The following RASA3 variants were observed in gnomAD, a reference collection of about 807,000 sequenced individuals.
RASA3 encodes the protein ras GTPase-activating protein 3.
In RASA3, 73 loss-of-function variants were observed where a neutral mutation model predicts 110.0. The observed-to-expected ratio is 0.66, with a 90% CI of 0.55 to 0.81. RASA3 has a LOEUF of 0.81. RASA3 is among the 30% of genes least tolerant of loss of function. The probability of loss-of-function intolerance (pLI) is 0.00; values close to 1 mark genes in which losing one functional copy is unlikely to be tolerated. For synonymous variants in RASA3, 500 were observed against 451.4 expected (o/e 1.11, Z -1.37); for missense variants, 976 against 1,113.2 (o/e 0.88, Z 1.75).
chr13:114,077,536 C>T (rs1335889225), intron 1 of RASA3, among the ~76,000 whole-genome samples: 1 of 150,118 alleles, frequency 6.7e-6, no homozygotes, highest in Non-Finnish European at 1.5e-5. Context: ...TTCATCCCTC[C>T]CTCCCTGCCC....
At position 114,048,145 on chromosome 13, in the gene RASA3, C is replaced by T. The variant is rs2079083310; in HGVS notation, c.277+3907G>A. On this transcript the variant is annotated intron_variant, in intron 3 of 23. Transcript: ENST00000334062. The surrounding 1 kb of genome is among the most constrained non-coding windows in gnomAD (Gnocchi z 4.3). ...CTTGGCTAACACGGTGAAACCCCGT[C>T]TCTACTGAAAATACAAAAAATTAGC... Among the ~76,000 whole-genome samples the T allele has an allele frequency of 6.6e-6, 1 of 152,108 alleles. No individual in the cohort carries two copies. Among genetic ancestry groups the T allele is most frequent in the African/African-American group, 2.4e-5 (1 of 41,434 alleles).
intron 3 of RASA3, among the ~76,000 whole-genome samples, chr13:114,050,630 A>G (rs1345867963): frequency 6.6e-6 from 1 of 152,246 alleles, no homozygotes; most frequent in Non-Finnish European, 1.5e-5. Context: ...AATGCCAGGC[A>G]GAGAGCAAGA....
intron 2 of RASA3, among the ~76,000 whole-genome samples, chr13:114,055,206 C>T (rs1046605371): frequency 3.9e-5 from 6 of 152,286 alleles, no homozygotes; most frequent in African/African-American, 1.4e-4. Flanking sequence ...TGTGCCCATA[C>T]ATGTGTGCTC....
At chr13:113,999,702 C>A in intron 19 of RASA3, 35 bp from the exon 20 acceptor site, 2 of 1,584,844 alleles carry the variant, frequency 1.3e-6, no homozygotes, top group Non-Finnish European at 1.7e-6. Flanking sequence ...GGGTGCGGGC[C>A]CCGCTGTCCC....
intron 1 of RASA3, among the ~76,000 whole-genome samples, chr13:114,087,213 TCGCGGGGAAA>T (rs1232546050): frequency 2.6e-5 from 2 of 75,792 alleles, no homozygotes; most frequent in Non-Finnish European, 7.9e-5. Flanking sequence ...CCCTTCGTCC[TCGCGGGGAAA>T]TCACGGGGAA....
intron 1 of RASA3, among the ~76,000 whole-genome samples, chr13:114,089,259 A>G (rs1184775124): frequency 9.9e-6 from 1 of 101,174 alleles, no homozygotes; most frequent in African/African-American, 3.8e-5. Flanking sequence ...AGGAGAGAGG[A>G]GGGGAGACGA....
intron 1 of RASA3, among the ~76,000 whole-genome samples, chr13:114,090,754 T>C (rs992301404): frequency 1.3e-5 from 2 of 152,186 alleles, no homozygotes; most frequent in Non-Finnish European, 2.9e-5. Context: ...TTCCTCTAAA[T>C]TCACAGGGCT....
intron 2 of RASA3, among the ~76,000 whole-genome samples, chr13:114,062,082 T>C (rs1356932693): frequency 6.6e-6 from 1 of 152,196 alleles, no homozygotes; most frequent in Non-Finnish European, 1.5e-5. Flanking sequence ...CCCTTTCCAC[T>C]GTGCCTAACC....
At chr13:114,033,133 C>T (rs1317346056) in intron 4 of RASA3, among the ~76,000 whole-genome samples, 1 of 91,890 alleles carries the variant, frequency 1.1e-5, no homozygotes, top group African/African-American at 4.7e-5. Flanking sequence ...ACGGAACCCC[C>T]GCACTGACAC....
intron 4 of RASA3, among the ~76,000 whole-genome samples, chr13:114,033,025 CCA>C (rs1296048075): frequency 1.2e-5 from 1 of 86,088 alleles, no homozygotes; most frequent in Non-Finnish European, 2.4e-5. Flanking sequence ...ACACTTGATA[CCA>C]CGTTCCACGG....
intron 3 of RASA3, among the ~76,000 whole-genome samples, chr13:114,050,570 G>GTGGGGCCGGGC (rs1270921014): frequency 6.6e-6 from 1 of 152,230 alleles, no homozygotes; most frequent in Non-Finnish European, 1.5e-5. Flanking sequence ...TCAATGCCAG[G>GTGGGGCCGGGC]TGAGGCCCTG....
In RASA3 at chr13:114,042,070, T is replaced by G. The variant is rs1216912181; in HGVS notation, c.278-976A>C. On this transcript the variant is annotated intron_variant, in intron 3 of 23. Transcript: ENST00000334062. ...TCAGAATATATTTGTACAATATACG[T>G]TTACCTAGTATGGATTTATATGTGT... Among the ~76,000 whole-genome samples, 5 of 152,346 alleles carry G rather than the reference T, an allele frequency of 3.3e-5. No homozygotes were observed. The South Asian group carries it at 8.3e-4, about 25-fold the overall frequency.
chr13:114,091,870 G>C (rs9525256), intron 1 of RASA3, among the ~76,000 whole-genome samples: 12,921 of 152,004 alleles, frequency 0.085, 881 homozygotes, highest in East Asian at 0.19. Context: ...TTCTACGTCT[G>C]TTCAGGTTCT....
At chr13:114,113,602 A>G (rs1359302266) in intron 1 of RASA3, among the ~76,000 whole-genome samples, 1 of 151,258 alleles carries the variant, frequency 6.6e-6, no homozygotes, top group East Asian at 1.9e-4. Flanking sequence ...CACCGCATCC[A>G]TCAATCCACC....
intron 8 of RASA3, among the ~76,000 whole-genome samples, chr13:114,022,276 C>T (rs1344831138): frequency 6.6e-6 from 1 of 152,226 alleles, no homozygotes; most frequent in African/African-American, 2.4e-5. Context: ...TACGTGTCCC[C>T]TCAGACCTGG....
chr13:114,025,634 C>G (rs916150853), intron 7 of RASA3, among the ~76,000 whole-genome samples: 3 of 152,266 alleles, frequency 2.0e-5, no homozygotes. Context: ...ATCACCAGCA[C>G]GGTGCTGGCA....
intron 4 of RASA3, among the ~76,000 whole-genome samples, chr13:114,040,066 G>A (rs918411469): frequency 6.6e-6 from 1 of 152,258 alleles, no homozygotes; most frequent in Non-Finnish European, 1.5e-5. Context: ...TTTCTCTTGG[G>A]CCTCAATGAC....
At chr13:114,073,138 A>T (rs2079602433) in intron 2 of RASA3, among the ~76,000 whole-genome samples, 1 of 151,294 alleles carries the variant, frequency 6.6e-6, no homozygotes. Context: ...TGGGACGGTG[A>T]TGTACATGCT....
At chr13:114,051,153 C>T (rs2079139939) in intron 3 of RASA3, among the ~76,000 whole-genome samples, 1 of 152,200 alleles carries the variant, frequency 6.6e-6, no homozygotes, top group Non-Finnish European at 1.5e-5. Flanking sequence ...GCTGGGGGTC[C>T]CCCTGGGGGA....
Sources: allele counts gnomAD v4.1 joint callset (sites outside exome capture counted in the v4.1 genomes callset), GRCh38; gene constraint gnomAD v4.1.1; non-coding constraint Gnocchi (gnomAD v3.1); transcripts MANE v1.5; gene names NCBI Gene and HGNC (gene_info 2026-07-23, HGNC 2026-07-21).